The following FOXP1 variants were observed in gnomAD, a reference collection of about 807,000 sequenced individuals.
FOXP1 encodes forkhead box P1, also known as forkhead box protein P1.
FOXP1 carries 15 observed loss-of-function variants against 98.2 expected under a neutral mutation model. That is an observed-to-expected ratio of 0.15 (90% CI 0.10 to 0.24). The LOEUF is 0.24. FOXP1 is among the 10% of genes least tolerant of loss of function. The probability of loss-of-function intolerance (pLI) is 1.00; values close to 1 mark genes in which losing one functional copy is unlikely to be tolerated. For synonymous variants in FOXP1, 371 were observed against 314.5 expected (o/e 1.18, Z -1.90); for missense variants, 633 against 848.5 (o/e 0.75, Z 3.15).
chr3:71,447,923 C>T (rs1324817918), intron 3 of FOXP1, among the ~76,000 whole-genome samples: 2 of 152,134 alleles, frequency 1.3e-5, no homozygotes, highest in Admixed American at 6.5e-5. Flanking sequence ...CAAGTGTAGA[C>T]ACGTTCAGAG....
intron 5 of FOXP1, among the ~76,000 whole-genome samples, chr3:71,228,652 G>A (rs2066030263): frequency 1.3e-5 from 2 of 152,092 alleles, no homozygotes; most frequent in Admixed American, 1.3e-4. Context: ...TCTGATTTAT[G>A]TTGTCATTTC....
rs147525099 is a variant in FOXP1, at chr3:71,566,107, A to C, written c.-298+15442T>G. Among the ~76,000 whole-genome samples the C allele has an allele frequency of 1.3e-4, 20 of 152,352 alleles. No homozygotes were observed. In the East Asian group the frequency reaches 3.3e-3, roughly 25 times the overall value. Reference sequence around the variant, plus strand: ...ATCTCTCACTGACCACCATGACAGCAGTTAAAGATTCTGCCCGAGCCGCTC... The same window carrying C: ...ATCTCTCACTGACCACCATGACAGCCGTTAAAGATTCTGCCCGAGCCGCTC... On this transcript the variant is annotated intron_variant, in intron 2 of 20. Coordinates refer to ENST00000649528, the MANE Select transcript of FOXP1 (RefSeq NM_001349338.3).
At chr3:71,527,152 T>C (rs1044110334) in intron 2 of FOXP1, among the ~76,000 whole-genome samples, 4 of 151,914 alleles carry the variant, frequency 2.6e-5, no homozygotes, top group African/African-American at 9.7e-5. Flanking sequence ...ACTTGCCCCC[T>C]CAGCCAGGCA....
At chr3:71,414,026 T>G (rs1022579957) in intron 3 of FOXP1, among the ~76,000 whole-genome samples, 2 of 151,948 alleles carry the variant, frequency 1.3e-5, no homozygotes, top group African/African-American at 4.8e-5. Flanking sequence ...CATCCATCCC[T>G]TCCTAGGCTG....
intron 2 of FOXP1, among the ~76,000 whole-genome samples, chr3:71,564,101 C>A (rs892405030): frequency 3.3e-5 from 5 of 152,130 alleles, no homozygotes; most frequent in African/African-American, 1.2e-4. Flanking sequence ...CCAGCAAAAC[C>A]GTATTTTAGG....
chr3:71,540,843 G>A (rs990416777), intron 2 of FOXP1, among the ~76,000 whole-genome samples: 5 of 152,232 alleles, frequency 3.3e-5, no homozygotes, highest in Admixed American at 3.3e-4. Flanking sequence ...TAATATGGTG[G>A]TGAATATGTT....
chr3:71,410,367 T>C (rs1469243888), intron 3 of FOXP1, among the ~76,000 whole-genome samples: 3 of 152,210 alleles, frequency 2.0e-5, no homozygotes, highest in East Asian at 1.9e-4. Flanking sequence ...TTGGAGCTAG[T>C]TAGTTGCAAC....
intron 12 of FOXP1, among the ~76,000 whole-genome samples, chr3:71,006,855 T>G (rs1465350445): frequency 6.6e-6 from 1 of 152,200 alleles, no homozygotes; most frequent in Non-Finnish European, 1.5e-5. Flanking sequence ...AAGAAAAATT[T>G]AAATTTAATT....
intron 13 of FOXP1, among the ~76,000 whole-genome samples, chr3:70,995,315 C>A (rs1472192309): frequency 6.6e-6 from 1 of 152,286 alleles, no homozygotes; most frequent in Non-Finnish European, 1.5e-5. Flanking sequence ...TTCTTATCCT[C>A]AACAACTTTC....
chr3:71,279,669 GATATATTT>G (rs2071304088), intron 5 of FOXP1, among the ~76,000 whole-genome samples: 1 of 152,050 alleles, frequency 6.6e-6, no homozygotes, highest in Non-Finnish European at 1.5e-5. Flanking sequence ...GATAAACTGC[GATATATTT>G]ATACATAGCT....
At chr3:70,962,999 G>A (rs373204469) in intron 20 of FOXP1, among the ~76,000 whole-genome samples, 1 of 152,206 alleles carries the variant, frequency 6.6e-6, no homozygotes, top group African/African-American at 2.4e-5. Flanking sequence ...TTGTATACAT[G>A]TATCAAAATA....
chr3:70,979,086 G>A (rs753429610), intron 14 of FOXP1, among the ~76,000 whole-genome samples: 10 of 151,486 alleles, frequency 6.6e-5, no homozygotes, highest in Non-Finnish European at 1.0e-4. Flanking sequence ...GGACAACATG[G>A]TGAAACTCTG....
At chr3:71,555,328 G>A (rs1481709778) in intron 2 of FOXP1, among the ~76,000 whole-genome samples, 4 of 152,136 alleles carry the variant, frequency 2.6e-5, no homozygotes. Context: ...TGAAACAGAG[G>A]TGTTCATAAT....
intron 12 of FOXP1, among the ~76,000 whole-genome samples, chr3:71,011,844 C>G (rs1188274062): frequency 6.6e-6 from 1 of 152,144 alleles, no homozygotes; most frequent in African/African-American, 2.4e-5. Context: ...AAGTGCCAGA[C>G]TTCTAATATC....
Position 70,959,137 on chromosome 3 carries a change from T to C in FOXP1, c.*110A>G. 1 of 1,289,142 alleles carries C rather than the reference T, an allele frequency of 7.8e-7. No individual in the cohort carries two copies. Among genetic ancestry groups the C allele is most frequent in the Admixed American group, 1.8e-5 (1 of 55,904 alleles). 79.9% of individuals were successfully genotyped at this position (1,289,142 alleles called of 1,614,324 possible). ...CAGAGTTGTCAAAACGTAGTGAAAA[T>C]CCTCCAGACTGTACAACAAATGGAG... On this transcript the variant is annotated 3_prime_UTR_variant, in exon 21 of 21. Coordinates refer to ENST00000649528, the MANE Select transcript of FOXP1 (RefSeq NM_001349338.3).
At chr3:71,004,571 T>C (rs893488136) in intron 12 of FOXP1, among the ~76,000 whole-genome samples, 1 of 152,148 alleles carries the variant, frequency 6.6e-6, no homozygotes, top group East Asian at 1.9e-4. Context: ...GGTTTAAAGG[T>C]GAAATGCAAA....
intron 5 of FOXP1, among the ~76,000 whole-genome samples, chr3:71,293,053 T>C (rs2072925297): frequency 6.6e-6 from 1 of 152,218 alleles, no homozygotes; most frequent in Admixed American, 6.5e-5. Flanking sequence ...TCCTTGGTGT[T>C]ACTAGATACT....
chr3:71,071,763 G>T (rs1036601497), intron 7 of FOXP1, among the ~76,000 whole-genome samples: 1 of 151,904 alleles, frequency 6.6e-6, no homozygotes, highest in Non-Finnish European at 1.5e-5. Flanking sequence ...TAGTAGAGAC[G>T]GTGTTTCACC....
At chr3:71,079,640 G>A (rs2054201610) in intron 7 of FOXP1, among the ~76,000 whole-genome samples, 2 of 152,138 alleles carry the variant, frequency 1.3e-5, no homozygotes, top group Non-Finnish European at 2.9e-5. Flanking sequence ...CAATTAAGAA[G>A]ACCTGTTCAC....
Sources: gnomAD v4.1 joint callset for allele counts (sites outside exome capture counted in the v4.1 genomes callset) on GRCh38, gnomAD v4.1.1 for gene constraint, MANE v1.5 for transcripts, NCBI Gene and HGNC (gene_info 2026-07-23, HGNC 2026-07-21) for gene names.